The following ZSCAN2 variants were observed in gnomAD, a reference collection of about 807,000 sequenced individuals.
The protein encoded by ZSCAN2 is zinc finger and SCAN domain containing 2.
A neutral mutation model predicts 47.8 loss-of-function variants in ZSCAN2; 26 were observed. The ratio of observed to expected loss-of-function variants is 0.54; its 90% CI spans 0.40 to 0.75. The LOEUF (loss-of-function observed/expected upper bound fraction) is 0.75. ZSCAN2 is among the 30% of genes least tolerant of loss of function. ZSCAN2 has a pLI of 0.00. For missense variants in ZSCAN2, 732 were observed against 785.4 expected (o/e 0.93, Z 0.81); for synonymous variants, 305 against 288.7 (o/e 1.06, Z -0.57).
chr15:84,615,458 G>A (rs1895669620), intron 2 of ZSCAN2, among the ~76,000 whole-genome samples: 1 of 152,112 alleles, frequency 6.6e-6, no homozygotes. Flanking sequence ...GGCCTCTTAA[G>A]TAGCTGGGTC....
At position 84,622,101 on chromosome 15, in the gene ZSCAN2, A is replaced by C. The variant is rs2141802841; in HGVS notation, c.*61A>C. On this transcript the variant is annotated 3_prime_UTR_variant, in exon 3 of 3. Coordinates refer to ENST00000546148, the MANE Select transcript of ZSCAN2 (RefSeq NM_181877.4). Reference sequence around the variant, plus strand: ...GTGGGAGTTGCCACACTGCCCCAACAGTGATTCCCTTTCAAAGAGCTGTGC... The same window carrying C: ...GTGGGAGTTGCCACACTGCCCCAACCGTGATTCCCTTTCAAAGAGCTGTGC... 3 of 1,380,876 alleles carry C rather than the reference A, an allele frequency of 2.2e-6. No homozygotes were observed. The highest frequency in any genetic ancestry group is 1.4e-5 in the South Asian group (1 of 72,264). The allele number at this position is 1,380,876 out of a possible 1,614,324, so 85.5% of individuals were successfully genotyped here. A position where few individuals can be genotyped will look rare whatever the true frequency, so the allele number is the denominator to read the frequency against.
At chr15:84,604,387 G>C in intron 2 of ZSCAN2, 54 bp downstream of exon 2, 1 of 1,539,298 alleles carries the variant, frequency 6.5e-7, no homozygotes, top group Non-Finnish European at 8.7e-7. Flanking sequence ...CAAGGTAGAG[G>C]AGTGTGGTGT....
chr15:84,612,895 C>G (rs1050182605), intron 2 of ZSCAN2, among the ~76,000 whole-genome samples: 1 of 152,184 alleles, frequency 6.6e-6, no homozygotes, highest in African/African-American at 2.4e-5. Context: ...TTAAGTATCG[C>G]ACTTAAAGGC....
intron 2 of ZSCAN2, among the ~76,000 whole-genome samples, chr15:84,607,416 C>T (rs149459793): frequency 1.5e-3 from 233 of 152,130 alleles, no homozygotes; most frequent in African/African-American, 5.3e-3. Context: ...CCAAACCTCC[C>T]CTGCAGTCTT....
chr15:84,619,425 G>C (rs1372169105), intron 2 of ZSCAN2, among the ~76,000 whole-genome samples: 1 of 146,542 alleles, frequency 6.8e-6, no homozygotes, highest in Non-Finnish European at 1.5e-5. Context: ...GCGAGACTCC[G>C]TCTCAAAAAA....
At chr15:84,605,684 C>T (rs1895359887) in intron 2 of ZSCAN2, among the ~76,000 whole-genome samples, 1 of 152,118 alleles carries the variant, frequency 6.6e-6, no homozygotes, top group African/African-American at 2.4e-5. Flanking sequence ...CGGAGTTTGG[C>T]AACAGGATGT....
chr15:84,617,142 AC>A lies in ZSCAN2; in HGVS notation c.407-3459del, dbSNP rs569513722. On this transcript the variant is annotated intron_variant, in intron 2 of 2. Coordinates refer to ENST00000546148, the MANE Select transcript of ZSCAN2 (RefSeq NM_181877.4). Reference sequence around the variant, plus strand: ...TGTCTCAAAAAAGAAAAAAAAAAAAACTGTCTTCCATGGCCAGGCGCAGTGG... The same window carrying A: ...TGTCTCAAAAAAGAAAAAAAAAAAAATGTCTTCCATGGCCAGGCGCAGTGG... Among the ~76,000 whole-genome samples, 249 of 136,558 alleles carry A rather than the reference AC, an allele frequency of 1.8e-3. 1 individual carries two copies. Among genetic ancestry groups the A allele is most frequent in the African/African-American group, 6.8e-3 (242 of 35,376 alleles). The allele number at this position is 136,558 out of a possible 152,430, so 89.6% of individuals were successfully genotyped here.
chr15:84,606,488 C>A (rs1895384933), intron 2 of ZSCAN2: 2 of 1,498,282 alleles, frequency 1.3e-6, no homozygotes, highest in African/African-American at 2.8e-5. Context: ...GCATTTTATT[C>A]CTTCTATTAA....
intron 1 of ZSCAN2, among the ~76,000 whole-genome samples, chr15:84,602,902 C>T (rs955837379): frequency 6.6e-6 from 1 of 152,114 alleles, no homozygotes; most frequent in African/African-American, 2.4e-5. Context: ...GTTTCTAATA[C>T]ATGCTGCTAT....
intron 2 of ZSCAN2, among the ~76,000 whole-genome samples, chr15:84,605,956 C>T (rs898138557): frequency 1.3e-5 from 2 of 152,210 alleles, no homozygotes; most frequent in African/African-American, 4.8e-5. Context: ...AGATCATGTG[C>T]CTTTGTACCA....
intron 2 of ZSCAN2, among the ~76,000 whole-genome samples, chr15:84,608,490 G>T (rs145062819): frequency 1.4e-5 from 2 of 143,762 alleles, no homozygotes; most frequent in African/African-American, 5.2e-5. Context: ...CTGAGATTGC[G>T]CCATTGCACT....
At chr15:84,604,465 C>A in intron 2 of ZSCAN2, 132 bp downstream of exon 2, 1 of 1,180,706 alleles carries the variant, frequency 8.5e-7, no homozygotes, top group Non-Finnish European at 1.2e-6. Context: ...GCTCTGTCTG[C>A]AGGCAGTCAG....
At chr15:84,620,449 G>A (rs1213606215) in intron 2 of ZSCAN2, among the ~76,000 whole-genome samples, 153 bp from the exon 3 acceptor site, 1 of 152,096 alleles carries the variant, frequency 6.6e-6, no homozygotes, top group Non-Finnish European at 1.5e-5. Flanking sequence ...ATTCCTTTGG[G>A]TATATTAAAC....
chr15:84,622,515 G>T lies in ZSCAN2; in HGVS notation c.*475G>T. On this transcript the variant is annotated 3_prime_UTR_variant, in exon 3 of 3. Transcript: ENST00000546148. ...CACCCCAAGCTGTTAGTGTTCCAGG[G>T]CACCCCAAGCTGTCAGTTAGAATCT... The T allele has an allele frequency of 1.5e-6, 1 of 673,088 alleles. No homozygotes were observed. The highest frequency in any genetic ancestry group is 1.7e-5 in the South Asian group (1 of 59,384). 41.7% of individuals were successfully genotyped at this position (673,088 alleles called of 1,614,324 possible). A position where few individuals can be genotyped will look rare whatever the true frequency, so the allele number is the denominator to read the frequency against.
At chr15:84,601,313 C>T (rs978344319) in intron 1 of ZSCAN2, 178 bp downstream of exon 1, 1 of 152,236 alleles carries the variant, frequency 6.6e-6, no homozygotes, top group East Asian at 1.9e-4. Context: ...CTCAGCGAAC[C>T]GTCCCGGACG....
At chr15:84,606,921 T>G in intron 2 of ZSCAN2, 1 of 1,043,030 alleles carries the variant, frequency 9.6e-7, no homozygotes, top group South Asian at 3.2e-5. Context: ...TCTTCATCCC[T>G]TCTCAAACAT....
At chr15:84,616,887 C>T (rs1476843792) in intron 2 of ZSCAN2, among the ~76,000 whole-genome samples, 2 of 152,202 alleles carry the variant, frequency 1.3e-5, no homozygotes, top group East Asian at 1.9e-4. Context: ...CTCTAGGAGG[C>T]GGAAGTGGGC....
chr15:84,616,000 G>A lies in ZSCAN2; in HGVS notation c.407-4602G>A, dbSNP rs999101869. 2.0e-5 allele frequency among the ~76,000 whole-genome samples: 3 copies of A among 152,238 alleles called. No homozygotes were observed. The South Asian group carries it at 6.2e-4, about 32-fold the overall frequency. On this transcript the variant is annotated intron_variant, in intron 2 of 2. Coordinates refer to ENST00000546148, the MANE Select transcript of ZSCAN2 (RefSeq NM_181877.4). ...TATAATCCCAACACTTTGGGAGGCC[G>A]AGGCAGTTGGATCATTTGAGGTCAG...
rs1187775662 is a variant in ZSCAN2 at position 84,621,156 on chromosome 15, C to T, written c.961C>T (p.Leu321Phe). Residue 321 changes from leucine to phenylalanine, a missense_variant, in exon 3 of 3, where the codon CTC becomes TTC. Physicochemically the swap from Leu to Phe is conservative, Grantham distance 22. Transcript: ENST00000546148. This position sits in a 1 kb window ranked among gnomAD's most constrained non-coding sequence, Gnocchi z 5.7. Reference protein sequence around the residue: ...CGKSFSRSPNLIAHQRTHTGE... With the variant: ...CGKSFSRSPNFIAHQRTHTGE... The stretch of plus-strand genomic sequence containing the variant: ...CAAGAGCTTCAGCAGGAGTCCCAAC[C>T]TCATTGCACATCAGCGCACCCACAC... The T allele has an allele frequency of 6.2e-7, 1 of 1,614,118 alleles. No individual in the cohort carries two copies. The highest frequency in any genetic ancestry group is 1.1e-5 in the South Asian group (1 of 91,078).
Sources: allele counts gnomAD v4.1 joint callset (sites outside exome capture counted in the v4.1 genomes callset), GRCh38; gene constraint gnomAD v4.1.1; non-coding constraint Gnocchi (gnomAD v3.1); transcripts MANE v1.5; gene names NCBI Gene and HGNC (gene_info 2026-07-23, HGNC 2026-07-21).